The following IL1R2 variants were observed in gnomAD, a reference collection of about 807,000 sequenced individuals.
The protein encoded by IL1R2 is interleukin-1 receptor type 2.
IL1R2 carries 46 observed loss-of-function variants against 39.5 expected under a neutral mutation model. The observed-to-expected ratio is 1.16, with a 90% CI of 0.92 to 1.49. The LOEUF is 1.49. Among genes scored for constraint, IL1R2 ranks in the 40% most tolerant of loss-of-function variants. The pLI is 0.00. For missense variants in IL1R2, 537 were observed against 502.0 expected (o/e 1.07, Z -0.67); for synonymous variants, 207 against 189.6 (o/e 1.09, Z -0.75).
chr2:102,007,383 G>A (rs1292020432), intron 1 of IL1R2, among the ~76,000 whole-genome samples: 1 of 152,182 alleles, frequency 6.6e-6, no homozygotes, highest in Non-Finnish European at 1.5e-5. Context: ...ATGTAAAACA[G>A]GAGTTAATCC....
chr2:102,026,033 G>T, intron 7 of IL1R2, 78 bp from the exon 8 acceptor site: 1 of 1,109,728 alleles, frequency 9.0e-7, no homozygotes, highest in Non-Finnish European at 1.3e-6. Context: ...CTAAAGGAGA[G>T]TGTTTAGATG....
chr2:102,009,599 C>T lies in IL1R2; in HGVS notation c.105C>T (p.Tyr35=). Residue 35 remains tyrosine, a synonymous_variant, in exon 3 of 9, where the codon TAC becomes TAT. Coordinates refer to ENST00000332549, the MANE Select transcript of IL1R2 (RefSeq NM_004633.4). The part of the protein sequence containing the change: ...ARSCRFRGRH[Y]KREFRLEGEP... ...GCTGCCGGTTTCGTGGGAGGCATTACAAGCGGGAGTTCAGGCTGGAAGGGG... is the reference window on the plus strand; with the variant it reads ...GCTGCCGGTTTCGTGGGAGGCATTATAAGCGGGAGTTCAGGCTGGAAGGGG... The T allele has an allele frequency of 6.2e-7, 1 of 1,614,156 alleles. No homozygotes were observed. The highest frequency in any genetic ancestry group is 1.1e-5 in the South Asian group (1 of 91,084).
intron 1 of IL1R2, among the ~76,000 whole-genome samples, chr2:101,993,124 G>A (rs780211133): frequency 6.6e-5 from 10 of 152,088 alleles, no homozygotes; most frequent in Non-Finnish European, 1.2e-4. Flanking sequence ...TTCCTTAGAA[G>A]CCTCATGAGA....
At chr2:102,008,748 C>A in intron 2 of IL1R2, 106 bp downstream of exon 2, 2 of 956,956 alleles carry the variant, frequency 2.1e-6, no homozygotes, top group Non-Finnish European at 3.3e-6. Flanking sequence ...GTGGGCCGAG[C>A]TCGGTGGCTG....
chr2:102,017,967 G>C (rs1256121849), intron 4 of IL1R2, among the ~76,000 whole-genome samples: 2 of 152,182 alleles, frequency 1.3e-5, no homozygotes, highest in African/African-American at 4.8e-5. Context: ...TAAGTAGTTG[G>C]CTGGTTTGTA....
intron 1 of IL1R2, among the ~76,000 whole-genome samples, chr2:101,995,834 A>G (rs193039268): frequency 6.6e-6 from 1 of 152,304 alleles, no homozygotes; most frequent in Non-Finnish European, 1.5e-5. Context: ...CAGCAGTGGG[A>G]CGCCCATTGT....
intron 5 of IL1R2, among the ~76,000 whole-genome samples, chr2:102,020,815 C>A (rs1677333859): frequency 6.6e-6 from 1 of 152,178 alleles, no homozygotes; most frequent in Admixed American, 6.5e-5. Flanking sequence ...GCCCTACATG[C>A]CTGTCTGTGT....
intron 3 of IL1R2, 179 bp downstream of exon 3, chr2:102,010,005 C>G: frequency 1.4e-6 from 1 of 713,732 alleles, no homozygotes; most frequent in Non-Finnish European, 2.3e-6. Context: ...CATTCTGTCT[C>G]CATTTAGTCT....
intron 6 of IL1R2, among the ~76,000 whole-genome samples, chr2:102,024,048 C>CAAAAAAAAAAAAAAAAAA (rs767273520): frequency 3.6e-5 from 5 of 139,938 alleles, no homozygotes; most frequent in African/African-American, 1.4e-4. Flanking sequence ...GACTCCATCT[C>CAAAAAAAAAAAAAAAAAA]AAAAACAAAA....
chr2:102,004,434 T>A (rs1676137705), intron 1 of IL1R2, among the ~76,000 whole-genome samples: 1 of 151,730 alleles, frequency 6.6e-6, no homozygotes, highest in South Asian at 2.1e-4. Flanking sequence ...CCTGGTCCTG[T>A]TTTTCATCAT....
rs538579879 is a variant in IL1R2 at position 101,999,341 on chromosome 2, C to T, written c.-62+7330C>T. Among the ~76,000 whole-genome samples, 7 of 152,384 alleles carry T rather than the reference C, an allele frequency of 4.6e-5. No homozygotes were observed. The East Asian group carries it at 1.2e-3, about 25-fold the overall frequency. On this transcript the variant is annotated intron_variant, in intron 1 of 8. Coordinates refer to ENST00000332549, the MANE Select transcript of IL1R2 (RefSeq NM_004633.4). ...TATGTCTGTTAACAACCAACCGCTG[C>T]TCTAATGCCAGAGCTTCCAGTTACT... is the stretch of plus-strand genomic sequence containing the variant.
At chr2:102,023,565 C>T (rs1399989971) in intron 6 of IL1R2, 2 of 152,164 alleles carry the variant, frequency 1.3e-5, no homozygotes, top group East Asian at 3.8e-4. Context: ...CGTGGTGGGG[C>T]CAGGTGCATT....
At chr2:102,000,486 G>C (rs995722806) in intron 1 of IL1R2, among the ~76,000 whole-genome samples, 2 of 152,208 alleles carry the variant, frequency 1.3e-5, no homozygotes, top group African/African-American at 4.8e-5. Context: ...GGTCGAATAT[G>C]ACTAATAAAT....
chr2:102,008,864 A>G (rs1676438744), intron 2 of IL1R2, among the ~76,000 whole-genome samples: 1 of 150,358 alleles, frequency 6.7e-6, no homozygotes, highest in Non-Finnish European at 1.5e-5. Context: ...CTCTACAAAA[A>G]AAAAAAAAAA....
Position 102,015,925 on chromosome 2 carries a change from A to G in IL1R2, c.387A>G (p.Thr129=). ...MSIELRVFEN[T]DAFLPFISYP... Reference sequence around the variant, plus strand: ...TTGAGCTCAGAGTTTTTGAGAATACAGATGCTTTCCTGCCGTTCATCTCAT... The same window carrying G: ...TTGAGCTCAGAGTTTTTGAGAATACGGATGCTTTCCTGCCGTTCATCTCAT... The change falls in exon 4 of 9, where the codon ACA becomes ACG. Residue 129 remains threonine, a synonymous_variant. Transcript: ENST00000332549. The G allele has an allele frequency of 6.2e-7, 1 of 1,614,046 alleles. No individual in the cohort carries two copies. The highest frequency in any genetic ancestry group is 1.1e-5 in the South Asian group (1 of 91,086).
At chr2:102,006,760 A>G (rs948616836) in intron 1 of IL1R2, among the ~76,000 whole-genome samples, 1 of 152,232 alleles carries the variant, frequency 6.6e-6, no homozygotes, top group African/African-American at 2.4e-5. Flanking sequence ...GAGCCAGAAG[A>G]GTCAGGCATG....
At chr2:102,006,036 C>T (rs1039716830) in intron 1 of IL1R2, among the ~76,000 whole-genome samples, 1 of 152,154 alleles carries the variant, frequency 6.6e-6, no homozygotes, top group Non-Finnish European at 1.5e-5. Flanking sequence ...AATGAATGTT[C>T]AATATTTGGC....
chr2:101,997,472 G>A (rs28564761), intron 1 of IL1R2, among the ~76,000 whole-genome samples: 32,668 of 152,144 alleles, frequency 0.21, 4,551 homozygotes, highest in African/African-American at 0.39. Context: ...AAGGTGGAGA[G>A]CTCAGGGCCT....
At chr2:102,015,481 G>A (rs762311329) in intron 3 of IL1R2, among the ~76,000 whole-genome samples, 36 of 152,162 alleles carry the variant, frequency 2.4e-4, no homozygotes, top group East Asian at 5.8e-4. Context: ...TGGAAATAGC[G>A]TTGTCACTTA....
Sources: allele counts gnomAD v4.1 joint callset (sites outside exome capture counted in the v4.1 genomes callset), GRCh38; gene constraint gnomAD v4.1.1; transcripts MANE v1.5; gene names NCBI Gene and HGNC (gene_info 2026-07-23, HGNC 2026-07-21).